Variants in ZMAT4 observed in about 807,000 individuals in gnomAD.
The protein encoded by ZMAT4 is zinc finger matrin-type 4, also known as zinc finger matrin-type protein 4.
Under a neutral mutation model 28.7 loss-of-function variants are expected in ZMAT4, and 17 were observed. The observed-to-expected ratio is 0.59, with a 90% confidence interval of 0.41 to 0.89. The LOEUF is 0.89. Among genes scored for constraint, ZMAT4 ranks in the 40% least tolerant of loss-of-function variants. ZMAT4 has a pLI of 0.00. For missense variants in ZMAT4, 240 were observed against 283.8 expected (o/e 0.85, Z 1.11); for synonymous variants, 117 against 109.2 (o/e 1.07, Z -0.44).
At chr8:40,604,762 C>T (rs1385294693) in intron 5 of ZMAT4, among the ~76,000 whole-genome samples, 6 of 152,122 alleles carry the variant, frequency 3.9e-5, no homozygotes, top group Admixed American at 6.5e-5. Flanking sequence ...GGATTTCCTC[C>T]TTCTCTATCT....
chr8:40,767,684 G>C lies in ZMAT4; in HGVS notation c.149C>G (p.Pro50Arg). The C allele has an allele frequency of 6.2e-7, 1 of 1,613,210 alleles. No homozygotes were observed. The highest frequency in any genetic ancestry group is 8.5e-7 in the Non-Finnish European group (1 of 1,179,710). Reference protein sequence around the residue: ...SKVRLYYMLHPRDGGCPAKRL... With the variant: ...SKVRLYYMLHRRDGGCPAKRL... ...CTTGGCAGGACACCCTCCATCCCTGGGGTGAAGCATGTAATACAGTCGGAC... is the reference window on the plus strand; with the variant it reads ...CTTGGCAGGACACCCTCCATCCCTGCGGTGAAGCATGTAATACAGTCGGAC... The change falls in exon 3 of 7, where the codon CCC (proline) becomes CGC (arginine). Residue 50 changes from proline to arginine, a missense_variant. Coordinates refer to ENST00000297737, the MANE Select transcript of ZMAT4 (RefSeq NM_024645.3).
chr8:40,823,188 C>A (rs543336610), intron 2 of ZMAT4, among the ~76,000 whole-genome samples: 1 of 152,118 alleles, frequency 6.6e-6, no homozygotes, highest in Non-Finnish European at 1.5e-5. Flanking sequence ...ACTATTCCAG[C>A]AATTACGAAA....
intron 5 of ZMAT4, among the ~76,000 whole-genome samples, chr8:40,658,854 C>G (rs2118846957): frequency 6.6e-6 from 1 of 152,260 alleles, no homozygotes; most frequent in South Asian, 2.1e-4. Flanking sequence ...GGAAAACTCA[C>G]TCAATGTTCT....
intron 5 of ZMAT4, among the ~76,000 whole-genome samples, chr8:40,638,202 G>T (rs1258815137): frequency 1.3e-5 from 2 of 152,158 alleles, no homozygotes; most frequent in Non-Finnish European, 2.9e-5. Context: ...ATGGTGAAAA[G>T]AGTAGATTTT....
intron 6 of ZMAT4, among the ~76,000 whole-genome samples, chr8:40,547,766 C>T (rs72636912): frequency 0.04 from 6,083 of 151,920 alleles, 151 homozygotes; most frequent in South Asian, 0.094. Context: ...TTTAATGTGC[C>T]GAAAATACAG....
At chr8:40,712,176 A>C (rs1184275652) in intron 3 of ZMAT4, among the ~76,000 whole-genome samples, 2 of 152,236 alleles carry the variant, frequency 1.3e-5, no homozygotes, top group Non-Finnish European at 2.9e-5. Context: ...GATAAGCCAT[A>C]AAACTCAAAT....
intron 1 of ZMAT4, among the ~76,000 whole-genome samples, chr8:40,889,746 C>A (rs998607191): frequency 1.3e-4 from 20 of 152,114 alleles, no homozygotes; most frequent in African/African-American, 4.1e-4. Flanking sequence ...TATGGAGGAA[C>A]CATAATATAT....
intron 3 of ZMAT4, among the ~76,000 whole-genome samples, chr8:40,708,846 A>G (rs1392697916): frequency 1.3e-5 from 2 of 151,538 alleles, no homozygotes; most frequent in Admixed American, 1.3e-4. Context: ...ATGGGCTTTC[A>G]CCATGTTGGC....
intron 2 of ZMAT4, among the ~76,000 whole-genome samples, chr8:40,807,055 A>G (rs1815111643): frequency 6.6e-6 from 1 of 151,132 alleles, no homozygotes; most frequent in Admixed American, 6.6e-5. Flanking sequence ...AACAAGCAGA[A>G]GGAACTTGCA....
At chr8:40,847,801 G>A (rs1320864124) in intron 1 of ZMAT4, among the ~76,000 whole-genome samples, 6 of 152,142 alleles carry the variant, frequency 3.9e-5, no homozygotes, top group African/African-American at 7.2e-5. Flanking sequence ...GGCAGCTGAA[G>A]TCCGTCCACC....
chr8:40,820,184 GT>G (rs1229304725), intron 2 of ZMAT4, among the ~76,000 whole-genome samples: 6 of 151,036 alleles, frequency 4.0e-5, no homozygotes, highest in East Asian at 3.9e-4. Context: ...GTGTGTGTGT[GT>G]GGGCGGGTGT....
intron 1 of ZMAT4, among the ~76,000 whole-genome samples, chr8:40,847,781 C>T (rs1041048731): frequency 1.3e-5 from 2 of 152,148 alleles, no homozygotes; most frequent in Non-Finnish European, 2.9e-5. Flanking sequence ...CCCTGGCATC[C>T]CCTCTCTGTG....
chr8:40,540,128 C>G (rs1802984286), intron 6 of ZMAT4, among the ~76,000 whole-genome samples: 1 of 152,140 alleles, frequency 6.6e-6, no homozygotes, highest in Non-Finnish European at 1.5e-5. Context: ...CTTGATAAGA[C>G]AGCTGAGTGC....
At chr8:40,760,706 GTCTCTCTCTCTCTC>G (rs56024719) in intron 3 of ZMAT4, among the ~76,000 whole-genome samples, 1 of 142,402 alleles carries the variant, frequency 7.0e-6, no homozygotes, top group Non-Finnish European at 1.5e-5. Context: ...CTCTGTCACA[GTCTCTCTCTCTCTC>G]TCTCTCTCTC....
At chr8:40,734,625 C>T (rs531318114) in intron 3 of ZMAT4, among the ~76,000 whole-genome samples, 154 of 152,232 alleles carry the variant, frequency 1.0e-3, no homozygotes, top group African/African-American at 2.2e-3. Context: ...CATTAGAAAA[C>T]ATTCCCCAGT....
At chr8:40,730,979 A>G (rs1811511511) in intron 3 of ZMAT4, among the ~76,000 whole-genome samples, 1 of 152,182 alleles carries the variant, frequency 6.6e-6, no homozygotes, top group African/African-American at 2.4e-5. Context: ...GCCCCATAGC[A>G]GGATACTGTG....
At chr8:40,633,360 G>A (rs1053215320) in intron 5 of ZMAT4, among the ~76,000 whole-genome samples, 8 of 152,184 alleles carry the variant, frequency 5.3e-5, no homozygotes, top group Non-Finnish European at 1.2e-4. Context: ...CGATAAGTGG[G>A]AAACCCATTA....
At position 40,674,918 on chromosome 8, in the gene ZMAT4, G is replaced by C; in HGVS notation, c.363C>G (p.Ser121Arg). The part of the protein sequence containing the change: ...TPLKTTATPL[S>R]PLKPPRMDTA... ...TGTCCATCCGTGGGGGCTTAAGTGG[G>C]CTCAGGGGTGTTGCTGTGAAAGGAA... The change falls in exon 5 of 7, where the codon AGC becomes AGG. Residue 121 changes from serine to arginine, a missense_variant. Coordinates refer to ENST00000297737, the MANE Select transcript of ZMAT4 (RefSeq NM_024645.3). The C allele has an allele frequency of 6.2e-7, 1 of 1,612,496 alleles. No individual in the cohort carries two copies. The highest frequency in any genetic ancestry group is 8.5e-7 in the Non-Finnish European group (1 of 1,179,558).
chr8:40,542,937 G>A (rs909359858), intron 6 of ZMAT4, among the ~76,000 whole-genome samples: 1 of 152,196 alleles, frequency 6.6e-6, no homozygotes, highest in African/African-American at 2.4e-5. Flanking sequence ...CCACCAGGCT[G>A]AATGCCTGTG....
Sources: allele counts gnomAD v4.1 joint callset (sites outside exome capture counted in the v4.1 genomes callset), GRCh38; gene constraint gnomAD v4.1.1; transcripts MANE v1.5; gene names NCBI Gene and HGNC (gene_info 2026-07-23, HGNC 2026-07-21).